The following GAP43 variants were observed in gnomAD, a reference collection of about 807,000 sequenced individuals.
The protein encoded by GAP43 is neuromodulin.
A neutral mutation model predicts 18.6 loss-of-function variants in GAP43; 6 were observed. The observed-to-expected ratio is 0.32, with a 90% CI of 0.18 to 0.64. The LOEUF is 0.64. GAP43 is among the 30% of genes least tolerant of loss of function. The pLI, the probability that GAP43 is intolerant of heterozygous loss-of-function variation, is 0.78. For synonymous variants in GAP43, 115 were observed against 111.4 expected, an observed-to-expected ratio of 1.03 and a Z score of -0.20; for missense variants, 292 against 295.5, an observed-to-expected ratio of 0.99 and a Z score of 0.09.
At chr3:115,719,454 A>C (rs966599674) in intron 2 of GAP43, among the ~76,000 whole-genome samples, 13 of 152,160 alleles carry the variant, frequency 8.5e-5, no homozygotes, top group Non-Finnish European at 1.2e-4. Flanking sequence ...TATGCTGAAC[A>C]TCTATTTTTC....
rs11326160 is a variant in GAP43 at position 115,705,376 on chromosome 3, CT to C, written c.629-15417del. Reference sequence around the variant, plus strand: ...ATCATGGGATTTGGCAAACCTAGATCTGCTTTTGCTTTTAAAGGTAAATATT... The same window carrying C: ...ATCATGGGATTTGGCAAACCTAGATCGCTTTTGCTTTTAAAGGTAAATATT... On this transcript the variant is annotated intron_variant, in intron 2 of 2. Coordinates refer to ENST00000305124, the MANE Select transcript of GAP43 (RefSeq NM_002045.4). Among the ~76,000 whole-genome samples, 1,153 of 152,214 alleles carry C rather than the reference CT, an allele frequency of 7.6e-3. 13 individuals carry two copies. Among genetic ancestry groups the C allele is most frequent in the African/African-American group, 0.027 (1,106 of 41,538 alleles).
intron 1 of GAP43, among the ~76,000 whole-genome samples, chr3:115,675,582 G>C (rs1708871818): frequency 6.6e-6 from 1 of 151,902 alleles, no homozygotes. Context: ...ACAACATGAT[G>C]AAACCCCGTC....
At chr3:115,656,514 T>C (rs559893869) in intron 1 of GAP43, among the ~76,000 whole-genome samples, 1 of 152,174 alleles carries the variant, frequency 6.6e-6, no homozygotes, top group Non-Finnish European at 1.5e-5. Flanking sequence ...ATATGTATAC[T>C]GAGGGTGGGG....
At chr3:115,628,658 A>G (rs886616157) in intron 1 of GAP43, among the ~76,000 whole-genome samples, 3 of 152,072 alleles carry the variant, frequency 2.0e-5, no homozygotes, top group Non-Finnish European at 2.9e-5. Flanking sequence ...TGATATTAAT[A>G]GCTCTCCTTA....
chr3:115,678,261 C>A (rs1332263675), intron 2 of GAP43, among the ~76,000 whole-genome samples: 3 of 152,162 alleles, frequency 2.0e-5, no homozygotes, highest in African/African-American at 7.2e-5. Context: ...TTTCATACAT[C>A]TTAGAAATTA....
intron 2 of GAP43, among the ~76,000 whole-genome samples, chr3:115,708,317 T>C (rs939214489): frequency 1.3e-5 from 2 of 152,206 alleles, no homozygotes; most frequent in African/African-American, 4.8e-5. Flanking sequence ...AGCTGGGTCA[T>C]AGGAATTATA....
intron 1 of GAP43, among the ~76,000 whole-genome samples, chr3:115,674,826 C>A (rs924510431): frequency 2.6e-5 from 4 of 152,172 alleles, no homozygotes; most frequent in African/African-American, 9.7e-5. Context: ...ACCTGGAACT[C>A]ATTTACATTT....
chr3:115,710,136 A>G (rs895863645), intron 2 of GAP43, among the ~76,000 whole-genome samples: 8 of 152,154 alleles, frequency 5.3e-5, no homozygotes, highest in African/African-American at 1.9e-4. Context: ...GTGCTGATTC[A>G]CTATAATGTG....
rs28399404 is a variant in GAP43, at chr3:115,710,405, C to T, written c.629-10389C>T. ...TATTTTAACTCAAATATTTAAAACA[C>T]GTTTATTTTAAACCTGATTAAAACT... On this transcript the variant is annotated intron_variant, in intron 2 of 2. Transcript: ENST00000305124. Among the ~76,000 whole-genome samples, 1,275 of 152,070 alleles carry T rather than the reference C, an allele frequency of 8.4e-3. 69 individuals carry two copies. Among genetic ancestry groups the T allele is most frequent in the Admixed American group, 0.077 (1,180 of 15,276 alleles).
intron 1 of GAP43, among the ~76,000 whole-genome samples, chr3:115,636,042 T>C (rs1456627587): frequency 6.6e-6 from 1 of 152,148 alleles, no homozygotes; most frequent in Non-Finnish European, 1.5e-5. Flanking sequence ...TTGCTCAACC[T>C]GGATATATAG....
chr3:115,711,501 A>G (rs1709437763), intron 2 of GAP43, among the ~76,000 whole-genome samples: 1 of 151,104 alleles, frequency 6.6e-6, no homozygotes, highest in South Asian at 2.1e-4. Flanking sequence ...AAATACACAC[A>G]CACACACACA....
intron 1 of GAP43, among the ~76,000 whole-genome samples, chr3:115,673,713 G>C (rs1487399895): frequency 6.6e-6 from 1 of 152,184 alleles, no homozygotes; most frequent in Non-Finnish European, 1.5e-5. Flanking sequence ...ATTGGGCTGT[G>C]CTCATCCCAG....
chr3:115,647,823 C>T (rs1708475938), intron 1 of GAP43, among the ~76,000 whole-genome samples: 1 of 150,618 alleles, frequency 6.6e-6, no homozygotes, highest in South Asian at 2.1e-4. Flanking sequence ...GCTAGGGGAG[C>T]AAAGTGATGT....
At chr3:115,665,027 A>G (rs1340370277) in intron 1 of GAP43, among the ~76,000 whole-genome samples, 1 of 152,050 alleles carries the variant, frequency 6.6e-6, no homozygotes, top group African/African-American at 2.4e-5. Context: ...AAGGATAATC[A>G]CTCACCTGGT....
In GAP43 at chr3:115,721,316, T is replaced by C. The variant is rs1327934385; in HGVS notation, c.*434T>C. The C allele has an allele frequency of 2.0e-5, 3 of 152,542 alleles. No individual in the cohort carries two copies. The highest frequency in any genetic ancestry group is 6.5e-5 in the Admixed American group (1 of 15,284). The allele number at this position is 152,542 out of a possible 1,614,324, so 9.4% of individuals were successfully genotyped here. On this transcript the variant is annotated 3_prime_UTR_variant, in exon 3 of 3. Transcript: ENST00000305124. ...ATATCGAGTGAATTCAAAATCATTT[T>C]TGTTTTCCTCCTTTTCAATGTGATG...
chr3:115,655,291 T>G (rs1708566245), intron 1 of GAP43, among the ~76,000 whole-genome samples: 1 of 152,216 alleles, frequency 6.6e-6, no homozygotes, highest in Non-Finnish European at 1.5e-5. Flanking sequence ...TGGTTCCTTA[T>G]TTAAAAAGCC....
intron 2 of GAP43, among the ~76,000 whole-genome samples, chr3:115,697,990 T>C (rs1292620198): frequency 2.4e-5 from 3 of 122,836 alleles, no homozygotes; most frequent in Admixed American, 1.2e-4. Context: ...TGTGCGTGTG[T>C]GTGTGTGTGT....
At position 115,676,388 on chromosome 3, in the gene GAP43, G is replaced by A. The variant is rs747821934; in HGVS notation, c.406G>A (p.Gly136Ser). 45 of 1,613,794 alleles carry A rather than the reference G, an allele frequency of 2.8e-5. No individual in the cohort carries two copies. The highest frequency in any genetic ancestry group is 3.3e-5 in the Admixed American group (2 of 59,986). The change falls in exon 2 of 3, where the codon GGC (glycine) becomes AGC (serine). Residue 136 changes from glycine to serine, a missense_variant. Transcript: ENST00000305124. ...QAPASSEEKA[G>S]SAETESATKA... ...TCCTGCATCCTCAGAGGAGAAGGCC[G>A]GCTCAGCTGAGACAGAAAGTGCCAC...
intron 2 of GAP43, among the ~76,000 whole-genome samples, chr3:115,701,698 G>A (rs1218983492): frequency 1.3e-5 from 2 of 151,878 alleles, no homozygotes; most frequent in Non-Finnish European, 2.9e-5. Context: ...TAGTTGCTGT[G>A]TTCTACCAAC....
Sources: gnomAD v4.1 joint callset for allele counts (sites outside exome capture counted in the v4.1 genomes callset) on GRCh38, gnomAD v4.1.1 for gene constraint, MANE v1.5 for transcripts, NCBI Gene and HGNC (gene_info 2026-07-23, HGNC 2026-07-21) for gene names.